Variants in PACSIN2 observed in about 807,000 individuals in gnomAD.
PACSIN2 encodes protein kinase C and casein kinase substrate in neurons 2.
PACSIN2 carries 25 observed loss-of-function variants against 63.8 expected under a neutral mutation model. That is an observed-to-expected ratio of 0.39 (90% CI 0.29 to 0.55). The LOEUF (loss-of-function observed/expected upper bound fraction) is 0.55, where lower values mean the gene tolerates loss of function less well. PACSIN2 is among the 20% of genes least tolerant of loss of function. The pLI, the probability that PACSIN2 is intolerant of heterozygous loss-of-function variation, is 0.62. For missense variants in PACSIN2, 518 were observed against 646.9 expected, an observed-to-expected ratio of 0.80 and a Z score of 2.16; for synonymous variants, 255 against 256.2, an observed-to-expected ratio of 1.00 and a Z score of 0.05.
intron 1 of PACSIN2, among the ~76,000 whole-genome samples, chr22:42,977,406 A>T (rs1921778575): frequency 6.6e-6 from 1 of 152,218 alleles, no homozygotes. Context: ...AAATAAAGAA[A>T]AAAGGTGAAA....
chr22:42,957,420 G>GT (rs11424598), intron 1 of PACSIN2, among the ~76,000 whole-genome samples: 35,488 of 151,968 alleles, frequency 0.23, 5,034 homozygotes, highest in Non-Finnish European at 0.32. Context: ...CCTCCCCAAG[G>GT]TATTTTAAGG....
At chr22:42,910,885 C>T (rs1422366856) in intron 2 of PACSIN2, among the ~76,000 whole-genome samples, 1 of 151,854 alleles carries the variant, frequency 6.6e-6, no homozygotes, top group Non-Finnish European at 1.5e-5. Flanking sequence ...GCCTAGCACA[C>T]TACAGGTACT....
intron 5 of PACSIN2, among the ~76,000 whole-genome samples, chr22:42,885,467 G>T (rs1929405808): frequency 6.6e-6 from 1 of 152,084 alleles, no homozygotes; most frequent in Non-Finnish European, 1.5e-5. Flanking sequence ...CTCCACTCAG[G>T]TCTAAGCTTT....
chr22:42,989,649 T>A lies in PACSIN2; in HGVS notation c.-78+25372A>T, dbSNP rs185364005. Among the ~76,000 whole-genome samples the A allele has an allele frequency of 4.0e-3, 598 of 151,204 alleles. 4 individuals carry two copies. Among genetic ancestry groups the A allele is most frequent in the African/African-American group, 0.014 (579 of 41,150 alleles). On this transcript the variant is annotated intron_variant, in intron 1 of 10. Transcript: ENST00000263246. ...GTCTCTACTAAAAATACAAAAAAAA[T>A]TAGCTGGGCATGGTGGTGGGTGCCT...
chr22:42,895,674 G>GT (rs1300852869), intron 2 of PACSIN2, among the ~76,000 whole-genome samples: 1 of 152,218 alleles, frequency 6.6e-6, no homozygotes, highest in East Asian at 1.9e-4. Flanking sequence ...GAGTGTTTCC[G>GT]TAAGTACACA....
At chr22:42,879,518 C>A (rs1051707550) in intron 7 of PACSIN2, among the ~76,000 whole-genome samples, 1 of 152,212 alleles carries the variant, frequency 6.6e-6, no homozygotes, top group Non-Finnish European at 1.5e-5. Flanking sequence ...CCTGACCCCA[C>A]CCACCAAGGT....
At chr22:42,976,869 A>G (rs1041976772) in intron 1 of PACSIN2, among the ~76,000 whole-genome samples, 3 of 152,214 alleles carry the variant, frequency 2.0e-5, no homozygotes, top group Non-Finnish European at 2.9e-5. Flanking sequence ...AACGTCAGAG[A>G]ATTAGTAAAT....
intron 1 of PACSIN2, among the ~76,000 whole-genome samples, chr22:43,002,925 A>G (rs1923856996): frequency 6.6e-6 from 1 of 152,274 alleles, no homozygotes; most frequent in Non-Finnish European, 1.5e-5. Context: ...TAATACAATT[A>G]TAACAATGTC....
chr22:43,014,267 T>TG (rs1924698067), intron 1 of PACSIN2, among the ~76,000 whole-genome samples: 1 of 150,648 alleles, frequency 6.6e-6, no homozygotes, highest in Non-Finnish European at 1.5e-5. Flanking sequence ...CGGCCTCTCC[T>TG]GCTTGGCCCC....
chr22:42,945,844 A>T (rs1325553591), intron 1 of PACSIN2: 1 of 152,376 alleles, frequency 6.6e-6, no homozygotes, highest in East Asian at 1.9e-4. Context: ...CTGTGACTCT[A>T]CCATGGTGGT....
chr22:43,014,573 G>T (rs1924756089), intron 1 of PACSIN2, among the ~76,000 whole-genome samples: 1 of 151,868 alleles, frequency 6.6e-6, no homozygotes, highest in Non-Finnish European at 1.5e-5. Flanking sequence ...GCACGTCTCG[G>T]ATTCCCAGCT....
intron 1 of PACSIN2, among the ~76,000 whole-genome samples, chr22:42,931,291 G>A (rs1430212800): frequency 6.6e-6 from 1 of 152,230 alleles, no homozygotes; most frequent in Non-Finnish European, 1.5e-5. Flanking sequence ...TAACCTTCCT[G>A]AACCTTAGTT....
At chr22:43,004,599 T>C (rs1923972459) in intron 1 of PACSIN2, among the ~76,000 whole-genome samples, 1 of 152,210 alleles carries the variant, frequency 6.6e-6, no homozygotes. Flanking sequence ...CAATTCATGA[T>C]CTTGGCACGC....
At chr22:42,942,495 A>G (rs1933215750) in intron 1 of PACSIN2, among the ~76,000 whole-genome samples, 2 of 152,112 alleles carry the variant, frequency 1.3e-5, no homozygotes, top group Admixed American at 1.3e-4. Flanking sequence ...TATTATGACT[A>G]ATTTTTTTAA....
chr22:42,925,481 A>T (rs1195124837), intron 1 of PACSIN2, among the ~76,000 whole-genome samples: 4 of 132,478 alleles, frequency 3.0e-5, no homozygotes, highest in Non-Finnish European at 4.8e-5. Context: ...CTCCGTCTTT[A>T]AAAAAAAAAA....
chr22:43,010,087 C>A (rs1457591184), intron 1 of PACSIN2, among the ~76,000 whole-genome samples: 1 of 151,820 alleles, frequency 6.6e-6, no homozygotes, highest in Admixed American at 6.6e-5. Flanking sequence ...CCAGGCTGGT[C>A]TCGAACTCCT....
intron 1 of PACSIN2, among the ~76,000 whole-genome samples, chr22:42,975,552 T>C (rs1417396851): frequency 6.7e-6 from 1 of 149,972 alleles, no homozygotes; most frequent in Non-Finnish European, 1.5e-5. Flanking sequence ...AGTCTCTTTT[T>C]ATAAAATTCA....
At chr22:42,953,434 G>C (rs910297844) in intron 1 of PACSIN2, among the ~76,000 whole-genome samples, 1 of 152,200 alleles carries the variant, frequency 6.6e-6, no homozygotes, top group African/African-American at 2.4e-5. Flanking sequence ...AAATTGCATT[G>C]AAGGGCCTAG....
intron 1 of PACSIN2, among the ~76,000 whole-genome samples, chr22:42,970,857 T>G (rs1224223816): frequency 1.3e-5 from 2 of 152,030 alleles, no homozygotes; most frequent in African/African-American, 4.8e-5. Flanking sequence ...GTGCTGACCA[T>G]GAGATGGGAG....
Sources: allele counts gnomAD v4.1 joint callset (sites outside exome capture counted in the v4.1 genomes callset), GRCh38; gene constraint gnomAD v4.1.1; transcripts MANE v1.5; gene names NCBI Gene and HGNC (gene_info 2026-07-23, HGNC 2026-07-21).